Variants in PCMT1 observed in about 807,000 individuals in gnomAD.
PCMT1 encodes protein-L-isoaspartate(D-aspartate) O-methyltransferase.
A neutral mutation model predicts 29.2 loss-of-function variants in PCMT1; 9 were observed. The observed-to-expected ratio is 0.31, with a 90% CI of 0.19 to 0.54. The LOEUF is 0.54. Ranked by LOEUF, PCMT1 falls within the 20% of genes least tolerant of loss-of-function variation. PCMT1 has a pLI of 0.95. For synonymous variants in PCMT1, 98 were observed against 97.5 expected (o/e 1.00, Z -0.03); for missense variants, 184 against 282.2 (o/e 0.65, Z 2.49).
chr6:149,794,023 C>T (rs1788494169), intron 5 of PCMT1, among the ~76,000 whole-genome samples: 1 of 152,110 alleles, frequency 6.6e-6, no homozygotes, highest in Admixed American at 6.6e-5. Context: ...TTTCTTCTCC[C>T]ATCTGAGGTG....
intron 1 of PCMT1, 132 bp from the exon 2 acceptor site, chr6:149,771,030 C>T (rs1787299971): frequency 3.9e-6 from 2 of 513,022 alleles, no homozygotes; most frequent in African/African-American, 2.0e-5. Context: ...GTTGCCATTA[C>T]CTGGGCCATT....
At chr6:149,805,939 CAAAAA>C (rs58998570) in intron 7 of PCMT1, among the ~76,000 whole-genome samples, 38 of 86,210 alleles carry the variant, frequency 4.4e-4, no homozygotes, top group Middle Eastern at 7.0e-3. Flanking sequence ...GACTCTGTCT[CAAAAA>C]AAAAAAAAAA....
In PCMT1 at chr6:149,787,658, C is replaced by T. The variant is rs1054521584; in HGVS notation, c.193-2296C>T. 1.1e-4 allele frequency among the ~76,000 whole-genome samples: 17 copies of T among 152,050 alleles called. 1 individual carries two copies. The highest frequency in any genetic ancestry group is 1.0e-4 in the Non-Finnish European group (7 of 68,012). ...GATTACAGGTGTGAGCCACCATGCC[C>T]GGCCCAAATGTTTTTAAATCTTTGA... On this transcript the variant is annotated intron_variant, in intron 3 of 7. Coordinates refer to ENST00000464889, the MANE Select transcript of PCMT1 (RefSeq NM_001360452.2).
intron 1 of PCMT1, among the ~76,000 whole-genome samples, chr6:149,769,332 T>TTTTTTTTTTA (rs1787218354): frequency 2.9e-5 from 4 of 139,554 alleles, no homozygotes; most frequent in Non-Finnish European, 4.7e-5. Context: ...TTTTTTTTTT[T>TTTTTTTTTTA]GAGACTGAGT....
chr6:149,796,056 G>T (rs955226370), intron 5 of PCMT1: 1 of 184,346 alleles, frequency 5.4e-6, no homozygotes, highest in African/African-American at 2.4e-5. Context: ...GATAGAGGCT[G>T]GGCGCAGTGT....
chr6:149,769,305 A>ATTTTTTTTTTTTTTT (rs1234622188), intron 1 of PCMT1, among the ~76,000 whole-genome samples: 1 of 48,124 alleles, frequency 2.1e-5, no homozygotes, highest in African/African-American at 1.5e-4. Flanking sequence ...TTTGTGCAGG[A>ATTTTTTTTTTTTTTT]TTCTTTTTTT....
chr6:149,782,742 G>C (rs2115283141), intron 3 of PCMT1, among the ~76,000 whole-genome samples: 1 of 151,802 alleles, frequency 6.6e-6, no homozygotes, highest in Admixed American at 6.6e-5. Context: ...AAATTTGTGA[G>C]TCTATGGAGA....
intron 6 of PCMT1, among the ~76,000 whole-genome samples, chr6:149,800,879 T>G (rs941893327): frequency 3.3e-5 from 5 of 152,214 alleles, no homozygotes; most frequent in African/African-American, 9.6e-5. Context: ...TAGAATTCTA[T>G]GCTCTGCCTT....
chr6:149,753,189 T>G (rs886972310), intron 1 of PCMT1, among the ~76,000 whole-genome samples: 1 of 152,174 alleles, frequency 6.6e-6, no homozygotes, highest in African/African-American at 2.4e-5. Flanking sequence ...AATATTGCCT[T>G]CCTTCCTCAT....
At chr6:149,783,216 T>C (rs1171214948) in intron 3 of PCMT1, among the ~76,000 whole-genome samples, 12 of 152,054 alleles carry the variant, frequency 7.9e-5, no homozygotes, top group Admixed American at 3.9e-4. Context: ...CACTGCAACC[T>C]CCGCCTTCTG....
At chr6:149,749,695 G>C (rs1217962012), upstream of PCMT1, 2 of 1,472,502 alleles carry the variant, frequency 1.4e-6, no homozygotes, top group Admixed American at 4.6e-5. Flanking sequence ...CCTAAGCCGC[G>C]CGGCGTCACA....
In PCMT1 at chr6:149,749,751, C is replaced by G. The variant is rs1206088190; in HGVS notation, c.-151C>G. 11 of 1,545,542 alleles carry G rather than the reference C, an allele frequency of 7.1e-6. No homozygotes were observed. The highest frequency in any genetic ancestry group is 8.7e-6 in the Non-Finnish European group (10 of 1,144,404). ...GGATGCCGGGAGCGCGCAGTGGCGG[C>G]AGCGGCGGCGACGGCAGTAACAGCG... On this transcript the variant is annotated 5_prime_UTR_variant, in exon 1 of 8. Coordinates refer to ENST00000464889, the MANE Select transcript of PCMT1 (RefSeq NM_001360452.2).
chr6:149,787,271 A>G (rs796194725), intron 3 of PCMT1, among the ~76,000 whole-genome samples: 1 of 71,446 alleles, frequency 1.4e-5, no homozygotes, highest in Non-Finnish European at 3.4e-5. Flanking sequence ...GACCGTGGAA[A>G]GAGAGGGAGA....
At chr6:149,795,244 G>A (rs1788552548) in intron 5 of PCMT1, 3 of 396,644 alleles carry the variant, frequency 7.6e-6, no homozygotes, top group South Asian at 6.9e-5. Flanking sequence ...GCGCCATGTT[G>A]CATGAGAAAA....
At chr6:149,754,517 C>T (rs927625141) in intron 1 of PCMT1, among the ~76,000 whole-genome samples, 21 of 152,114 alleles carry the variant, frequency 1.4e-4, no homozygotes, top group Admixed American at 6.6e-5. Flanking sequence ...GGTATTTAAA[C>T]CAGAGGGTTT....
intron 1 of PCMT1, among the ~76,000 whole-genome samples, chr6:149,758,204 C>CTTTA (rs1583003709): frequency 1.5e-5 from 1 of 68,230 alleles, no homozygotes. Flanking sequence ...TTCTTTCTTT[C>CTTTA]TTTCTTTTTT....
chr6:149,753,983 C>T (rs1019519077), intron 1 of PCMT1, among the ~76,000 whole-genome samples: 1 of 152,166 alleles, frequency 6.6e-6, no homozygotes, highest in Non-Finnish European at 1.5e-5. Context: ...GTCCAGGGAC[C>T]ACATTTTGAG....
At chr6:149,770,176 C>T (rs958509215) in intron 1 of PCMT1, among the ~76,000 whole-genome samples, 3 of 152,146 alleles carry the variant, frequency 2.0e-5, no homozygotes, top group East Asian at 1.9e-4. Flanking sequence ...AGATCTCTTT[C>T]CTGAGCTCCA....
intron 3 of PCMT1, among the ~76,000 whole-genome samples, chr6:149,773,775 AG>A (rs1369526010): frequency 6.6e-6 from 1 of 152,202 alleles, no homozygotes; most frequent in Non-Finnish European, 1.5e-5. Context: ...AAGGTTATTT[AG>A]TAGACAGTTA....
Sources: allele counts gnomAD v4.1 joint callset (sites outside exome capture counted in the v4.1 genomes callset), GRCh38; gene constraint gnomAD v4.1.1; transcripts MANE v1.5; gene names NCBI Gene and HGNC (gene_info 2026-07-23, HGNC 2026-07-21).